L3MBTL4: variants seen among roughly 807,000 people sequenced by gnomAD.
L3MBTL4 encodes lethal(3)malignant brain tumor-like protein 4.
L3MBTL4 carries 70 observed loss-of-function variants against 84.5 expected under a neutral mutation model. The observed-to-expected ratio is 0.83, with a 90% CI of 0.68 to 1.01. The LOEUF (loss-of-function observed/expected upper bound fraction) is 1.01, where lower values mean the gene tolerates loss of function less well. L3MBTL4 is among the 50% of genes least tolerant of loss of function. The pLI is 0.00. For missense variants in L3MBTL4, 715 were observed against 754.8 expected (o/e 0.95, Z 0.62); for synonymous variants, 274 against 259.8 (o/e 1.05, Z -0.52).
chr18:5,956,766 T>C (rs1444617226), intron 18 of L3MBTL4, among the ~76,000 whole-genome samples: 1 of 152,226 alleles, frequency 6.6e-6, no homozygotes, highest in Non-Finnish European at 1.5e-5. Flanking sequence ...GCAATGTGTA[T>C]ATGCTAGTAT....
chr18:6,323,877 G>C (rs955188689), intron 1 of L3MBTL4, among the ~76,000 whole-genome samples: 1 of 152,212 alleles, frequency 6.6e-6, no homozygotes, highest in Non-Finnish European at 1.5e-5. Flanking sequence ...TAAGACAATA[G>C]GGAAAAGGCC....
intron 1 of L3MBTL4, chr18:6,326,507 T>C (rs1599649731): frequency 6.6e-6 from 1 of 152,350 alleles, no homozygotes; most frequent in East Asian, 1.9e-4. Context: ...TTGACCAATC[T>C]TAGATCTTCT....
intron 16 of L3MBTL4, among the ~76,000 whole-genome samples, chr18:5,995,580 A>C (rs1364083555): frequency 1.3e-5 from 2 of 152,194 alleles, no homozygotes; most frequent in Non-Finnish European, 2.9e-5. Flanking sequence ...TTTTCAGGGA[A>C]GTTTGGATGA....
chr18:6,220,021 G>T (rs1228838038), intron 10 of L3MBTL4, among the ~76,000 whole-genome samples: 2 of 151,984 alleles, frequency 1.3e-5, no homozygotes, highest in South Asian at 4.2e-4. Flanking sequence ...GGAACATAAC[G>T]AGACCTCACC....
chr18:6,351,945 C>A (rs2053220189), intron 1 of L3MBTL4, among the ~76,000 whole-genome samples: 1 of 152,120 alleles, frequency 6.6e-6, no homozygotes, highest in Admixed American at 6.5e-5. Context: ...CTCAGCCCCA[C>A]AAAGTGCTGG....
intron 13 of L3MBTL4, among the ~76,000 whole-genome samples, chr18:6,151,971 G>A (rs893235795): frequency 1.3e-5 from 2 of 152,088 alleles, no homozygotes; most frequent in African/African-American, 4.8e-5. Flanking sequence ...ATATAGGTAG[G>A]ATCATACAGT....
intron 1 of L3MBTL4, among the ~76,000 whole-genome samples, chr18:6,390,173 T>C (rs1400709300): frequency 6.6e-6 from 1 of 152,106 alleles, no homozygotes; most frequent in Non-Finnish European, 1.5e-5. Context: ...TCTATATATA[T>C]ATACATATAC....
At chr18:6,045,986 G>T (rs900548252) in intron 16 of L3MBTL4, among the ~76,000 whole-genome samples, 9 of 152,102 alleles carry the variant, frequency 5.9e-5, no homozygotes, top group African/African-American at 2.2e-4. Flanking sequence ...CTCTCTTCAA[G>T]AGGCCCATCT....
chr18:6,052,294 T>C (rs1350337268), intron 16 of L3MBTL4, among the ~76,000 whole-genome samples: 1 of 152,192 alleles, frequency 6.6e-6, no homozygotes, highest in Non-Finnish European at 1.5e-5. Context: ...CATGGATAAA[T>C]ACAATTTAAA....
intron 1 of L3MBTL4, among the ~76,000 whole-genome samples, chr18:6,370,500 C>T (rs191285489): frequency 2.0e-5 from 3 of 152,316 alleles, no homozygotes; most frequent in Non-Finnish European, 4.4e-5. Flanking sequence ...TGGGAAACCA[C>T]GCCTCCCGTT....
At chr18:6,109,060 C>A (rs1180122633) in intron 14 of L3MBTL4, among the ~76,000 whole-genome samples, 1 of 152,090 alleles carries the variant, frequency 6.6e-6, no homozygotes, top group Non-Finnish European at 1.5e-5. Flanking sequence ...TGAGTCTATG[C>A]AGATGTGTAC....
At chr18:6,409,004 T>C (rs1004094678) in intron 1 of L3MBTL4, among the ~76,000 whole-genome samples, 1 of 152,088 alleles carries the variant, frequency 6.6e-6, no homozygotes, top group Non-Finnish European at 1.5e-5. Flanking sequence ...GTAAGGAAAA[T>C]GGAAGTGAGA....
intron 13 of L3MBTL4, among the ~76,000 whole-genome samples, chr18:6,149,208 C>T (rs2042783286): frequency 8.3e-6 from 1 of 120,672 alleles, no homozygotes; most frequent in Admixed American, 9.8e-5. Context: ...CTCCCCCCAC[C>T]CCACAACAGT....
At chr18:6,265,762 A>C (rs1243504578) in intron 4 of L3MBTL4, among the ~76,000 whole-genome samples, 1 of 152,140 alleles carries the variant, frequency 6.6e-6, no homozygotes, top group East Asian at 1.9e-4. Context: ...AATAAAAAAA[A>C]GTCAAACTCA....
chr18:6,261,416 T>C (rs1034172061), intron 5 of L3MBTL4, among the ~76,000 whole-genome samples: 14 of 152,184 alleles, frequency 9.2e-5, no homozygotes, highest in African/African-American at 3.1e-4. Context: ...AGAAAGTCCT[T>C]AGCCAAAGAA....
chr18:6,368,647 T>G (rs2054031094), intron 1 of L3MBTL4, among the ~76,000 whole-genome samples: 1 of 152,172 alleles, frequency 6.6e-6, no homozygotes, highest in South Asian at 2.1e-4. Context: ...TACCAAGTGG[T>G]CCCTTGACTT....
intron 1 of L3MBTL4, among the ~76,000 whole-genome samples, chr18:6,409,048 A>C (rs373612563): frequency 8.5e-5 from 13 of 152,236 alleles, no homozygotes; most frequent in African/African-American, 3.1e-4. Context: ...CTGTCTGCCT[A>C]CTTCCCTTAT....
intron 1 of L3MBTL4, among the ~76,000 whole-genome samples, chr18:6,371,284 C>A (rs920622429): frequency 2.2e-4 from 34 of 152,148 alleles, no homozygotes; most frequent in African/African-American, 8.2e-4. Flanking sequence ...AGCTGATGAA[C>A]CAGAATACAA....
chr18:6,092,156 C>A (rs568449305), intron 15 of L3MBTL4, among the ~76,000 whole-genome samples: 8 of 152,276 alleles, frequency 5.3e-5, no homozygotes, highest in Non-Finnish European at 8.8e-5. Context: ...GAGAGAAGCA[C>A]TAATCTACAG....
Sources: gnomAD v4.1 joint callset for allele counts (sites outside exome capture counted in the v4.1 genomes callset) on GRCh38, gnomAD v4.1.1 for gene constraint, MANE v1.5 for transcripts, NCBI Gene and HGNC (gene_info 2026-07-23, HGNC 2026-07-21) for gene names.